Variants in SCUBE2 observed in about 807,000 individuals in gnomAD.
The protein encoded by SCUBE2 is signal peptide, CUB and EGF-like domain-containing protein 2.
SCUBE2 carries 114 observed loss-of-function variants against 125.9 expected under a neutral mutation model. The observed-to-expected ratio is 0.91, with a 90% CI of 0.78 to 1.06. SCUBE2 has a LOEUF of 1.06. SCUBE2 is among the 50% of genes least tolerant of loss of function. The pLI, the probability that SCUBE2 is intolerant of heterozygous loss-of-function variation, is 0.00. For synonymous variants in SCUBE2, 459 were observed against 492.9 expected (o/e 0.93, Z 0.91); for missense variants, 1,255 against 1,301.8 (o/e 0.96, Z 0.55).
At chr11:9,065,037 ACT>A (rs904546803) in intron 7 of SCUBE2, 2 of 151,984 alleles carry the variant, frequency 1.3e-5, no homozygotes, top group Admixed American at 1.3e-4. Context: ...GAAATAGAAG[ACT>A]CAGTGGACAC....
intron 9 of SCUBE2, 34 bp from the exon 10 acceptor site, chr11:9,055,943 C>A (rs1794579928): frequency 2.0e-6 from 3 of 1,531,456 alleles, no homozygotes; most frequent in African/African-American, 1.4e-5. Flanking sequence ...GAGCTGAAAC[C>A]CACTCTGAGG....
intron 2 of SCUBE2, among the ~76,000 whole-genome samples, chr11:9,088,247 G>A (rs553451930): frequency 1.3e-5 from 2 of 152,354 alleles, no homozygotes; most frequent in African/African-American, 4.8e-5. Context: ...CAACACTTCG[G>A]GAGGCCGAGG....
intron 10 of SCUBE2, among the ~76,000 whole-genome samples, 199 bp downstream of exon 10, chr11:9,055,594 G>A (rs1010743122): frequency 4.6e-5 from 7 of 152,188 alleles, no homozygotes; most frequent in East Asian, 1.9e-4. Context: ...TTTCACACTC[G>A]GTGTGTTAAA....
intron 17 of SCUBE2, among the ~76,000 whole-genome samples, chr11:9,031,711 T>C (rs780383350): frequency 1.6e-4 from 25 of 152,076 alleles, no homozygotes; most frequent in Non-Finnish European, 3.4e-4. Context: ...ATGTTATACC[T>C]GGGACAAGAA....
At chr11:9,051,214 CTATCTATCTAT>C (rs1327133033) in intron 13 of SCUBE2, among the ~76,000 whole-genome samples, 3 of 145,012 alleles carry the variant, frequency 2.1e-5, no homozygotes, top group African/African-American at 2.5e-5. Context: ...ATCTATCTAT[CTATCTATCTAT>C]CTACCTACCT....
Position 9,020,962 on chromosome 11 carries a change from CTG to C in SCUBE2, c.*81_*82del. ...TGATACGGGAGGCAGCAATACCCGA[CTG>C]TGCTGACATGCAGAAGGAAGACAGC... On this transcript the variant is annotated 3_prime_UTR_variant, in exon 23 of 23. Coordinates refer to ENST00000649792, the MANE Select transcript of SCUBE2 (RefSeq NM_001367977.2). 3.9e-6 allele frequency: 5 copies of C among 1,268,206 alleles called. No homozygotes were observed. The highest frequency in any genetic ancestry group is 5.4e-6 in the Non-Finnish European group (5 of 930,996). 78.6% of individuals were successfully genotyped at this position (1,268,206 alleles called of 1,614,324 possible). A position where few individuals can be genotyped will look rare whatever the true frequency, so the allele number is the denominator to read the frequency against.
chr11:9,023,364 CTTTCT>C lies in SCUBE2; in HGVS notation c.2855-1414_2855-1410del, dbSNP rs138003581. ...CATTGGTACTCCATTAGTGTGGTGT[CTTTCT>C]TTTATTTTAGTGAATATAAAATATG... is the stretch of plus-strand genomic sequence containing the variant. On this transcript the variant is annotated intron_variant, in intron 21 of 22. Coordinates refer to ENST00000649792, the MANE Select transcript of SCUBE2 (RefSeq NM_001367977.2). Among the ~76,000 whole-genome samples the C allele has an allele frequency of 4.6e-3, 694 of 152,260 alleles. 7 individuals carry two copies. Among genetic ancestry groups the C allele is most frequent in the African/African-American group, 0.016 (664 of 41,554 alleles).
intron 5 of SCUBE2, among the ~76,000 whole-genome samples, chr11:9,067,899 T>C (rs1163486621): frequency 2.7e-5 from 3 of 110,942 alleles, no homozygotes; most frequent in African/African-American, 1.1e-4. Context: ...TGAAAGACTA[T>C]GAAATGTTGA....
At chr11:9,047,646 A>G (rs1473768598) in intron 15 of SCUBE2, 84 bp from the exon 16 acceptor site, 6 of 1,365,206 alleles carry the variant, frequency 4.4e-6, no homozygotes, top group Middle Eastern at 4.6e-4. Flanking sequence ...AGGCCCTACC[A>G]ACACCCCGAG....
At chr11:9,047,005 T>G in intron 16 of SCUBE2, among the ~76,000 whole-genome samples, 1 of 116,080 alleles carries the variant, frequency 8.6e-6, no homozygotes, top group African/African-American at 3.3e-5. Flanking sequence ...GAAATCTAAT[T>G]ACTGAAATTC....
chr11:9,069,754 T>C (rs957034732), intron 4 of SCUBE2, among the ~76,000 whole-genome samples: 3 of 152,180 alleles, frequency 2.0e-5, no homozygotes, highest in African/African-American at 4.8e-5. Context: ...GAGCTCTCTA[T>C]TGCATGCAGG....
chr11:9,086,801 C>A (rs1164618555), intron 2 of SCUBE2, among the ~76,000 whole-genome samples: 5 of 140,620 alleles, frequency 3.6e-5, no homozygotes, highest in Non-Finnish European at 7.5e-5. Context: ...TGCAGTGAGC[C>A]AAGACTGCAC....
At position 9,090,494 on chromosome 11, in the gene SCUBE2, T is replaced by TTA. The variant is rs1862588953; in HGVS notation, c.134-666_134-665insTA. 8.7e-5 allele frequency: 13 copies of TTA among 150,166 alleles called. No homozygotes were observed. The South Asian group carries it at 2.8e-3, about 32-fold the overall frequency. 9.3% of individuals were successfully genotyped at this position (150,166 alleles called of 1,614,324 possible). A position where few individuals can be genotyped will look rare whatever the true frequency, so the allele number is the denominator to read the frequency against. On this transcript the variant is annotated intron_variant, in intron 1 of 22. Coordinates refer to ENST00000649792, the MANE Select transcript of SCUBE2 (RefSeq NM_001367977.2). ...TTTTTTTTATTTATTTATTTATTTT[T>TTA]TTTTTTTGCTCATCAGCTGTCGTTT...
At chr11:9,084,014 G>A (rs1407178833) in intron 2 of SCUBE2, among the ~76,000 whole-genome samples, 1 of 152,178 alleles carries the variant, frequency 6.6e-6, no homozygotes, top group African/African-American at 2.4e-5. Context: ...TAGTAGCAAT[G>A]ACAACACCAA....
intron 7 of SCUBE2, 61 bp downstream of exon 7, chr11:9,065,830 A>T: frequency 6.9e-7 from 1 of 1,439,624 alleles, no homozygotes; most frequent in Non-Finnish European, 9.8e-7. Flanking sequence ...GTCTGATGCA[A>T]TAAGTTGGGG....
intron 16 of SCUBE2, among the ~76,000 whole-genome samples, chr11:9,042,345 T>C (rs1007583835): frequency 1.3e-5 from 2 of 152,118 alleles, no homozygotes; most frequent in Non-Finnish European, 2.9e-5. Context: ...TCACCGTCTC[T>C]TATTTGGATT....
intron 21 of SCUBE2, among the ~76,000 whole-genome samples, chr11:9,025,167 C>A (rs113980180): frequency 2.0e-5 from 3 of 152,348 alleles, no homozygotes; most frequent in Admixed American, 6.5e-5. Context: ...CAGAAGTCAT[C>A]TGACTTGCCC....
At chr11:9,030,440 G>T (rs1856206328) in intron 18 of SCUBE2, 1 of 416,192 alleles carries the variant, frequency 2.4e-6, no homozygotes, top group Non-Finnish European at 4.4e-6. Context: ...GGGGTATTGG[G>T]GGGAAGCTCT....
chr11:9,020,054 C>T lies in SCUBE2; in HGVS notation c.*991G>A, dbSNP rs1359159230. Among the ~76,000 whole-genome samples, 1 of 152,146 alleles carries T rather than the reference C, an allele frequency of 6.6e-6. No homozygotes were observed. The highest frequency in any genetic ancestry group is 1.5e-5 in the Non-Finnish European group (1 of 68,014). ...CTGCTCATGTCCACGGAGCAGAGTC[C>T]GTCTCTCACATTTGAGACTGGGGAA... On this transcript the variant is annotated 3_prime_UTR_variant, in exon 23 of 23. Coordinates refer to ENST00000649792, the MANE Select transcript of SCUBE2 (RefSeq NM_001367977.2).
Sources: gnomAD v4.1 joint callset for allele counts (sites outside exome capture counted in the v4.1 genomes callset) on GRCh38, gnomAD v4.1.1 for gene constraint, MANE v1.5 for transcripts, NCBI Gene and HGNC (gene_info 2026-07-23, HGNC 2026-07-21) for gene names.